BMAL2: variants seen among roughly 807,000 people sequenced by gnomAD.
BMAL2 encodes the protein basic helix-loop-helix ARNT like 2, also known as basic helix-loop-helix ARNT-like protein 2.
the BMAL2 span, among the ~76,000 whole-genome samples, chr12:27,343,499 C>A: frequency 6.6e-6 from 1 of 152,008 alleles, no homozygotes; most frequent in African/African-American, 2.4e-5. Flanking sequence ...TAATGGCCTA[C>A]ATTGTGTCTA....
chr12:27,347,547 TTGTAGGAC>T, the BMAL2 span, among the ~76,000 whole-genome samples: 1 of 152,172 alleles, frequency 6.6e-6, no homozygotes, highest in Non-Finnish European at 1.5e-5. Context: ...CTGCAGGACA[TTGTAGGAC>T]CACAGCTGAC....
chr12:27,359,753 T>C, the BMAL2 span, among the ~76,000 whole-genome samples: 2 of 152,212 alleles, frequency 1.3e-5, no homozygotes, highest in South Asian at 4.1e-4. Flanking sequence ...AGAAGTCTGC[T>C]GTGGTCCTCA....
chr12:27,356,755 C>T, the BMAL2 span, among the ~76,000 whole-genome samples: 3 of 152,002 alleles, frequency 2.0e-5, no homozygotes, highest in Non-Finnish European at 4.4e-5. Flanking sequence ...ATTACGTAAG[C>T]ATTTATTTTT....
the BMAL2 span, chr12:27,385,630 C>A: frequency 1.0e-6 from 1 of 963,232 alleles, no homozygotes. Context: ...GGCAGATTTT[C>A]TTCCATTTGC....
the BMAL2 span, chr12:27,380,371 A>G: frequency 6.2e-7 from 1 of 1,614,210 alleles, no homozygotes; most frequent in Middle Eastern, 1.6e-4. Context: ...TACAGTTTTA[A>G]GAATGGCTGT....
chr12:27,422,556 T>G, the BMAL2 span: 1 of 151,942 alleles, frequency 6.6e-6, no homozygotes, highest in African/African-American at 2.4e-5. Flanking sequence ...GTCCCAGCAA[T>G]GTTGGAGGGT....
chr12:27,340,406 C>G, the BMAL2 span, among the ~76,000 whole-genome samples: 7 of 152,114 alleles, frequency 4.6e-5, no homozygotes, highest in East Asian at 1.3e-3. Context: ...TCGAAGATCA[C>G]ATGGTTGTAG....
chr12:27,391,393 T>A, the BMAL2 span, among the ~76,000 whole-genome samples: 3 of 152,236 alleles, frequency 2.0e-5, no homozygotes, highest in Non-Finnish European at 4.4e-5. Context: ...TATGGCTGTG[T>A]AGTATTCCAT....
chr12:27,386,104 A>T, the BMAL2 span, among the ~76,000 whole-genome samples: 19 of 152,310 alleles, frequency 1.2e-4, no homozygotes, highest in African/African-American at 4.6e-4. Flanking sequence ...AGCCATAGTC[A>T]AATTAAATAG....
At chr12:27,333,235 GA>G in the BMAL2 span, 982,770 of 982,808 alleles carry the variant, frequency 1, 491,366 homozygotes, top group South Asian at 1. Context: ...TCTCGGGCCG[GA>G]GCATCGCCTC....
chr12:27,350,106 C>A, the BMAL2 span, among the ~76,000 whole-genome samples: 1 of 152,180 alleles, frequency 6.6e-6, no homozygotes, highest in Non-Finnish European at 1.5e-5. Flanking sequence ...TTTAGTCACC[C>A]CTGTGAAAAA....
the BMAL2 span, chr12:27,418,232 T>C: frequency 7.2e-7 from 1 of 1,398,260 alleles, no homozygotes; most frequent in African/African-American, 1.4e-5. Flanking sequence ...CCATTTTCGT[T>C]TATCAAAACC....
At chr12:27,402,483 T>C in the BMAL2 span, 1 of 633,108 alleles carries the variant, frequency 1.6e-6, no homozygotes, top group South Asian at 2.3e-5. Context: ...TTTCTGGTGG[T>C]GATACTAACA....
the BMAL2 span, among the ~76,000 whole-genome samples, chr12:27,383,574 G>A: frequency 9.9e-5 from 15 of 152,126 alleles, 1 homozygote; most frequent in Non-Finnish European, 1.5e-5. Flanking sequence ...GCCTGTGATG[G>A]CTGATGTACA....
chr12:27,351,696 C>T, the BMAL2 span, among the ~76,000 whole-genome samples: 1 of 152,204 alleles, frequency 6.6e-6, no homozygotes, highest in Non-Finnish European at 1.5e-5. Context: ...CTCACCTGTT[C>T]CTTCAGAAAC....
the BMAL2 span, among the ~76,000 whole-genome samples, chr12:27,348,257 C>T: frequency 6.6e-6 from 1 of 152,080 alleles, no homozygotes; most frequent in African/African-American, 2.4e-5. Flanking sequence ...AATAAATTAC[C>T]TGCTGTTCTC....
the BMAL2 span, chr12:27,422,566 T>C: frequency 1.3e-5 from 2 of 151,958 alleles, no homozygotes; most frequent in African/African-American, 4.8e-5. Flanking sequence ...TGTTGGAGGG[T>C]TGGCACCATT....
At chr12:27,332,996 G>A in the BMAL2 span, 3 of 1,126,600 alleles carry the variant, frequency 2.7e-6, no homozygotes, top group Non-Finnish European at 3.3e-6. Context: ...CCGCCGCCTG[G>A]GCCGGGGCAG....
the BMAL2 span, among the ~76,000 whole-genome samples, chr12:27,376,755 C>G: frequency 6.6e-6 from 1 of 151,924 alleles, no homozygotes; most frequent in African/African-American, 2.4e-5. Flanking sequence ...AATCCCAGCA[C>G]TTTGGGAGGC....
Sources: allele counts gnomAD v4.1 joint callset (sites outside exome capture counted in the v4.1 genomes callset), GRCh38; gene constraint gnomAD v4.1.1; transcripts MANE v1.5; gene names NCBI Gene and HGNC (gene_info 2026-07-23, HGNC 2026-07-21).